Variants in MYO5A observed in about 807,000 individuals in gnomAD.
MYO5A encodes unconventional myosin-Va.
In MYO5A, 98 loss-of-function variants were observed where a neutral mutation model predicts 249.7. The ratio of observed to expected loss-of-function variants is 0.39; its 90% CI spans 0.33 to 0.46. The LOEUF (loss-of-function observed/expected upper bound fraction) is 0.46, where lower values mean the gene tolerates loss of function less well. Among genes scored for constraint, MYO5A ranks in the 20% least tolerant of loss-of-function variants. The pLI, the probability that MYO5A is intolerant of heterozygous loss-of-function variation, is 0.98. For synonymous variants in MYO5A, 778 were observed against 810.6 expected, an observed-to-expected ratio of 0.96 and a Z score of 0.68; for missense variants, 1,696 against 2,308.8, an observed-to-expected ratio of 0.73 and a Z score of 5.44.
intron 19 of MYO5A, among the ~76,000 whole-genome samples, chr15:52,375,804 A>G (rs971405816): frequency 6.6e-6 from 1 of 152,254 alleles, no homozygotes; most frequent in Non-Finnish European, 1.5e-5. Context: ...TTTATAGAAC[A>G]GACAGACATA....
intron 1 of MYO5A, among the ~76,000 whole-genome samples, chr15:52,473,139 G>A (rs1052503823): frequency 2.6e-5 from 4 of 152,162 alleles, no homozygotes; most frequent in African/African-American, 7.2e-5. Flanking sequence ...TTCTCTGATG[G>A]TCAGTGATGA....
intron 36 of MYO5A, among the ~76,000 whole-genome samples, chr15:52,325,130 C>A (rs981047292): frequency 6.6e-6 from 1 of 152,154 alleles, no homozygotes; most frequent in Non-Finnish European, 1.5e-5. Flanking sequence ...ATGCTCTGGG[C>A]TAAGCTGACA....
At position 52,443,196 on chromosome 15, in the gene MYO5A, G is replaced by A. The variant is rs193195644; in HGVS notation, c.28-9911C>T. On this transcript the variant is annotated intron_variant, in intron 1 of 41. Transcript: ENST00000399233. ...ATCTAAGACAACATGTCAAAGCCAT[G>A]CCAATCAGCTTGCCATCCATCCTGC... is the stretch of plus-strand genomic sequence containing the variant. Among the ~76,000 whole-genome samples, 4 of 152,302 alleles carry A rather than the reference G, an allele frequency of 2.6e-5. No individual in the cohort carries two copies. The East Asian group carries it at 7.7e-4, about 29-fold the overall frequency.
At chr15:52,507,988 T>A (rs965036811) in intron 1 of MYO5A, among the ~76,000 whole-genome samples, 7 of 152,148 alleles carry the variant, frequency 4.6e-5, no homozygotes, top group Admixed American at 3.3e-4. Flanking sequence ...TATGTATGTA[T>A]CTAATCTCTC....
At chr15:52,456,213 C>G (rs555869898) in intron 1 of MYO5A, among the ~76,000 whole-genome samples, 1 of 152,016 alleles carries the variant, frequency 6.6e-6, no homozygotes, top group African/African-American at 2.4e-5. Context: ...CCATTCACAA[C>G]TGCTACAAAT....
At chr15:52,494,234 A>G (rs1205838879) in intron 1 of MYO5A, among the ~76,000 whole-genome samples, 7 of 152,236 alleles carry the variant, frequency 4.6e-5, no homozygotes, top group Non-Finnish European at 8.8e-5. Context: ...ATTACTAAGG[A>G]TGGCTTTTCA....
chr15:52,400,742 T>G (rs953350544), intron 9 of MYO5A, among the ~76,000 whole-genome samples: 1 of 152,238 alleles, frequency 6.6e-6, no homozygotes, highest in Non-Finnish European at 1.5e-5. Context: ...CTATGTGATA[T>G]TGATTGGTCT....
intron 36 of MYO5A, among the ~76,000 whole-genome samples, chr15:52,325,408 CTTT>C (rs1209313890): frequency 4.3e-5 from 6 of 139,428 alleles, no homozygotes; most frequent in Admixed American, 7.1e-5. Flanking sequence ...AAGCCCCCCA[CTTT>C]TTTTTTTTTT....
rs1162546992 is a variant in MYO5A at position 52,308,241 on chromosome 15, G to A, written c.*5455C>T. 3 of 152,248 alleles carry A rather than the reference G, an allele frequency of 2.0e-5. No individual in the cohort carries two copies. Among genetic ancestry groups the A allele is most frequent in the Non-Finnish European group, 4.4e-5 (3 of 68,004 alleles). 9.4% of individuals were successfully genotyped at this position (152,248 alleles called of 1,614,324 possible). Reference sequence around the variant, plus strand: ...ATAGACCAAATTACAAATAAAAAAAGTATAAAAAGCATTTTGGAAGATATT... The same window carrying A: ...ATAGACCAAATTACAAATAAAAAAAATATAAAAAGCATTTTGGAAGATATT... On this transcript the variant is annotated 3_prime_UTR_variant, in exon 42 of 42. Transcript: ENST00000399233.
intron 5 of MYO5A, among the ~76,000 whole-genome samples, chr15:52,412,694 T>C (rs2043302151): frequency 6.6e-6 from 1 of 152,236 alleles, no homozygotes; most frequent in Non-Finnish European, 1.5e-5. Context: ...AGAGACTCCC[T>C]AATACTATAT....
chr15:52,373,571 G>A (rs2141097668), intron 20 of MYO5A, among the ~76,000 whole-genome samples: 2 of 152,274 alleles, frequency 1.3e-5, no homozygotes, highest in South Asian at 4.1e-4. Flanking sequence ...AATACAGCTA[G>A]AAGGAGCACT....
chr15:52,467,217 A>G (rs543829093), intron 1 of MYO5A, among the ~76,000 whole-genome samples: 1 of 152,360 alleles, frequency 6.6e-6, no homozygotes, highest in South Asian at 2.1e-4. Context: ...TAAATAATTC[A>G]AAGTATTGAT....
chr15:52,489,293 G>A (rs532655576), intron 1 of MYO5A, among the ~76,000 whole-genome samples: 2 of 152,290 alleles, frequency 1.3e-5, no homozygotes, highest in Non-Finnish European at 2.9e-5. Context: ...GGCTGGGCGC[G>A]GTGGCTCATG....
intron 1 of MYO5A, among the ~76,000 whole-genome samples, chr15:52,526,205 G>A (rs957421137): frequency 3.3e-5 from 5 of 151,936 alleles, no homozygotes; most frequent in Admixed American, 6.6e-5. Context: ...TTCAACACAC[G>A]GTCTTGCTGT....
chr15:52,350,562 C>G (rs1222421390), intron 28 of MYO5A, among the ~76,000 whole-genome samples: 1 of 152,128 alleles, frequency 6.6e-6, no homozygotes, highest in Non-Finnish European at 1.5e-5. Flanking sequence ...GCTGTGTGCA[C>G]AAGGGCAGGG....
chr15:52,518,152 T>C (rs537177869), intron 1 of MYO5A, among the ~76,000 whole-genome samples: 1 of 151,678 alleles, frequency 6.6e-6, no homozygotes, highest in East Asian at 1.9e-4. Context: ...GCAATGTCTG[T>C]AGGCAATATT....
intron 6 of MYO5A, among the ~76,000 whole-genome samples, chr15:52,409,287 G>C (rs2043144561): frequency 6.6e-6 from 1 of 151,838 alleles, no homozygotes; most frequent in South Asian, 2.1e-4. Context: ...TCTAATATTT[G>C]AATCTTCCCT....
chr15:52,500,957 T>C (rs2077143032), intron 1 of MYO5A, among the ~76,000 whole-genome samples: 3 of 151,892 alleles, frequency 2.0e-5, no homozygotes, highest in African/African-American at 4.8e-5. Flanking sequence ...GTATTGTGTG[T>C]ATACACAAAA....
intron 15 of MYO5A, 28 bp downstream of exon 15, chr15:52,384,133 C>A (rs1490911545): frequency 6.2e-7 from 1 of 1,613,512 alleles, no homozygotes; most frequent in African/African-American, 1.3e-5. Context: ...AAGGAAGGAG[C>A]GTGGCAGCGG....
Sources: allele counts gnomAD v4.1 joint callset (sites outside exome capture counted in the v4.1 genomes callset), GRCh38; gene constraint gnomAD v4.1.1; transcripts MANE v1.5; gene names NCBI Gene and HGNC (gene_info 2026-07-23, HGNC 2026-07-21).